THRB: variants seen among roughly 807,000 people sequenced by gnomAD.
THRB encodes thyroid hormone receptor beta, also known as nuclear receptor subfamily 1 group A member 2.
Under a neutral mutation model 47.8 loss-of-function variants are expected in THRB, and 12 were observed. The ratio of observed to expected loss-of-function variants is 0.25; its 90% CI spans 0.16 to 0.41. THRB has a LOEUF of 0.41. Among genes scored for constraint, THRB ranks in the 10% least tolerant of loss-of-function variants. The pLI is 1.00. For missense variants in THRB, 348 were observed against 589.2 expected (o/e 0.59, Z 4.24); for synonymous variants, 218 against 212.2 (o/e 1.03, Z -0.24).
chr3:24,395,197 T>C (rs1178200145), intron 1 of THRB, among the ~76,000 whole-genome samples: 1 of 152,104 alleles, frequency 6.6e-6, no homozygotes, highest in Non-Finnish European at 1.5e-5. Context: ...AAAAATTTCA[T>C]GACCTTGGGT....
In THRB at chr3:24,346,425, G is replaced by A. The variant is rs1406230976; in HGVS notation, c.-260-9054C>T. 2.6e-5 allele frequency among the ~76,000 whole-genome samples: 4 copies of A among 152,004 alleles called. 1 individual carries two copies. The highest frequency in any genetic ancestry group is 9.6e-5 in the African/African-American group (4 of 41,528). On this transcript the variant is annotated intron_variant, in intron 1 of 10. Coordinates refer to ENST00000646209, the MANE Select transcript of THRB (RefSeq NM_001354712.2). ...AGAGGAAAAGGAACAGTAAATAACT[G>A]GGGCAAATAAAATGTCAAAGAGTAA...
At chr3:24,361,033 C>G (rs562279085) in intron 1 of THRB, among the ~76,000 whole-genome samples, 4 of 152,212 alleles carry the variant, frequency 2.6e-5, no homozygotes, top group African/African-American at 9.6e-5. Context: ...GAAATTTGGG[C>G]AGAGGAATGC....
chr3:24,471,656 T>C (rs537571098), intron 1 of THRB, among the ~76,000 whole-genome samples: 1 of 152,240 alleles, frequency 6.6e-6, no homozygotes, highest in South Asian at 2.1e-4. Context: ...CCTTACAACA[T>C]CCACAGAGAG....
At chr3:24,161,194 C>G (rs2038756435) in intron 5 of THRB, among the ~76,000 whole-genome samples, 1 of 152,188 alleles carries the variant, frequency 6.6e-6, no homozygotes, top group African/African-American at 2.4e-5. Context: ...GTATTGTTTT[C>G]TGGAGTGGTG....
intron 5 of THRB, among the ~76,000 whole-genome samples, chr3:24,178,662 G>C (rs2041485344): frequency 6.6e-6 from 1 of 152,150 alleles, no homozygotes; most frequent in Admixed American, 6.6e-5. Context: ...AAGTGAAATA[G>C]GCCAGGCACA....
intron 4 of THRB, among the ~76,000 whole-genome samples, chr3:24,214,280 G>GT (rs2046345865): frequency 6.6e-6 from 1 of 152,152 alleles, no homozygotes; most frequent in South Asian, 2.1e-4. Context: ...AGTCAAGATG[G>GT]TATGTACTTT....
At chr3:24,351,421 T>C (rs911448312) in intron 1 of THRB, among the ~76,000 whole-genome samples, 1 of 152,162 alleles carries the variant, frequency 6.6e-6, no homozygotes, top group Non-Finnish European at 1.5e-5. Context: ...AGGCCATTAA[T>C]GTGTTGCAAC....
intron 1 of THRB, among the ~76,000 whole-genome samples, chr3:24,469,105 C>T (rs1480503877): frequency 6.6e-6 from 1 of 152,154 alleles, no homozygotes; most frequent in African/African-American, 2.4e-5. Flanking sequence ...AGCATCACCT[C>T]CGCTGGAATG....
At chr3:24,495,574 C>T (rs1321358478), upstream of THRB, 1 of 152,454 alleles carries the variant, frequency 6.6e-6, no homozygotes, top group African/African-American at 2.4e-5. Flanking sequence ...GTCCACCCAC[C>T]CGATTGCCTG....
At chr3:24,134,942 C>T (rs751501144) in intron 8 of THRB, among the ~76,000 whole-genome samples, 20 of 152,124 alleles carry the variant, frequency 1.3e-4, no homozygotes, top group Non-Finnish European at 2.5e-4. Flanking sequence ...GAGGACACTG[C>T]CAGTGGTGAG....
chr3:24,352,224 T>C (rs1462157252), intron 1 of THRB, among the ~76,000 whole-genome samples: 2 of 152,214 alleles, frequency 1.3e-5, no homozygotes, highest in Non-Finnish European at 2.9e-5. Context: ...ATAAAACTTT[T>C]ATTTTAAAAA....
chr3:24,467,253 G>A (rs548017117), intron 1 of THRB, among the ~76,000 whole-genome samples: 10 of 152,150 alleles, frequency 6.6e-5, no homozygotes, highest in Non-Finnish European at 1.5e-4. Flanking sequence ...TCTAATTCTG[G>A]TTCTCTTGCT....
chr3:24,226,596 C>T (rs2047677597), intron 4 of THRB, among the ~76,000 whole-genome samples: 2 of 152,146 alleles, frequency 1.3e-5, no homozygotes, highest in African/African-American at 4.8e-5. Context: ...TCCCAGCTTC[C>T]ACAAGATGGG....
intron 4 of THRB, among the ~76,000 whole-genome samples, chr3:24,220,842 C>T (rs1393158484): frequency 6.6e-6 from 1 of 151,770 alleles, no homozygotes; most frequent in East Asian, 1.9e-4. Context: ...CCATTTGAAG[C>T]CATTTAACCC....
At chr3:24,345,232 C>T (rs1400029972) in intron 1 of THRB, among the ~76,000 whole-genome samples, 1 of 152,136 alleles carries the variant, frequency 6.6e-6, no homozygotes, top group Non-Finnish European at 1.5e-5. Context: ...ACTGTCTTCT[C>T]TCTTAGGTAG....
chr3:24,140,894 T>G (rs2035355679), intron 8 of THRB, among the ~76,000 whole-genome samples: 1 of 152,202 alleles, frequency 6.6e-6, no homozygotes, highest in African/African-American at 2.4e-5. Flanking sequence ...GTGTGGAGGC[T>G]GAATGGAACA....
intron 3 of THRB, among the ~76,000 whole-genome samples, chr3:24,234,859 C>A (rs1004941370): frequency 1.3e-5 from 2 of 152,130 alleles, no homozygotes; most frequent in Non-Finnish European, 2.9e-5. Context: ...ACTGCAGGAG[C>A]GGGGCAGGAA....
chr3:24,276,546 T>TGAAG (rs1223849159), intron 3 of THRB, among the ~76,000 whole-genome samples: 1 of 152,116 alleles, frequency 6.6e-6, no homozygotes, highest in African/African-American at 2.4e-5. Context: ...GCCTCATTGG[T>TGAAG]GAAGGTATGA....
chr3:24,440,322 C>G (rs1355467486), intron 1 of THRB, among the ~76,000 whole-genome samples: 1 of 152,132 alleles, frequency 6.6e-6, no homozygotes, highest in African/African-American at 2.4e-5. Flanking sequence ...ATACCCTCAT[C>G]AAAATCATTG....
Sources: allele counts gnomAD v4.1 joint callset (sites outside exome capture counted in the v4.1 genomes callset), GRCh38; gene constraint gnomAD v4.1.1; transcripts MANE v1.5; gene names NCBI Gene and HGNC (gene_info 2026-07-23, HGNC 2026-07-21).